FAM53A: variants seen among roughly 807,000 people sequenced by gnomAD.
FAM53A encodes the protein protein FAM53A.
FAM53A carries 28 observed loss-of-function variants against 26.6 expected under a neutral mutation model. That is an observed-to-expected ratio of 1.05 (90% confidence interval 0.78 to 1.45). The LOEUF is 1.45. Among genes scored for constraint, FAM53A ranks in the 40% most tolerant of loss-of-function variants. The pLI is 0.00. For synonymous variants in FAM53A, 290 were observed against 253.1 expected (o/e 1.15, Z -1.38); for missense variants, 650 against 575.8 (o/e 1.13, Z -1.32).
At chr4:1,646,744 C>T (rs76851841) in intron 4 of FAM53A, among the ~76,000 whole-genome samples, 2 of 152,202 alleles carry the variant, frequency 1.3e-5, no homozygotes, top group Non-Finnish European at 2.9e-5. Context: ...GATGTAACTG[C>T]TGGCCCCAAA....
Position 1,641,336 on chromosome 4 carries a change from CG to C in FAM53A, c.1153del (p.Arg385GlyfsTer39). On this transcript the variant is annotated frameshift_variant, in exon 5 of 5. Coordinates refer to ENST00000308132, the MANE Select transcript of FAM53A (RefSeq NM_001174070.3). LOFTEE classifies it high-confidence loss of function. Reference protein sequence around the residue: ...DSVGEEGVFPRARWELDLEQI... With the variant: ...DSVGEEGVFPXARWELDLEQI... ...CTCCAGGTCCAGCTCCCAGCGGGCCCGGGGGAAGACGCCCTCCTCCCCGACA... is the reference window on the plus strand; with the variant it reads ...CTCCAGGTCCAGCTCCCAGCGGGCCCGGGGAAGACGCCCTCCTCCCCGACA... The C allele has an allele frequency of 6.2e-7, 1 of 1,611,632 alleles. No individual in the cohort carries two copies. Among genetic ancestry groups the C allele is most frequent in the Middle Eastern group, 1.7e-4 (1 of 6,046 alleles).
downstream of FAM53A, among the ~76,000 whole-genome samples, chr4:1,637,904 C>A (rs1340779603): frequency 1.3e-5 from 2 of 151,772 alleles, no homozygotes; most frequent in African/African-American, 4.8e-5. Flanking sequence ...GTGCCTCAGG[C>A]CCCCCATTCC....
intron 1 of FAM53A, among the ~76,000 whole-genome samples, chr4:1,628,893 A>C (rs1161347713): frequency 1.3e-5 from 2 of 151,430 alleles, no homozygotes; most frequent in Admixed American, 6.6e-5. Flanking sequence ...CGCCCACTGC[A>C]GGGTCCCCTA....
intron 1 of FAM53A, among the ~76,000 whole-genome samples, chr4:1,680,727 C>T (rs1014628328): frequency 6.6e-6 from 1 of 151,894 alleles, no homozygotes; most frequent in Non-Finnish European, 1.5e-5. Context: ...GAAACGGCTA[C>T]GTATTGTATA....
chr4:1,581,288 C>A, the FAM53A span, among the ~76,000 whole-genome samples: 9 of 152,142 alleles, frequency 5.9e-5, no homozygotes, highest in Non-Finnish European at 1.2e-4. Context: ...CTGCTCAGGG[C>A]CCCGCCTGCG....
the FAM53A span, among the ~76,000 whole-genome samples, chr4:1,605,215 C>G: frequency 6.6e-6 from 1 of 152,154 alleles, no homozygotes; most frequent in Non-Finnish European, 1.5e-5. The surrounding 1 kb of genome is among the most constrained non-coding windows in gnomAD (Gnocchi z 5.7). Flanking sequence ...GGGTTGTTTC[C>G]GCTCCACAAC....
At chr4:1,644,423 C>A (rs1041238360) in intron 4 of FAM53A, 1 of 1,494,530 alleles carries the variant, frequency 6.7e-7, no homozygotes. Flanking sequence ...CCCACAGACA[C>A]GGCAGCTGTA....
At chr4:1,645,014 G>A (rs1363103961) in intron 4 of FAM53A, 1 of 152,368 alleles carries the variant, frequency 6.6e-6, no homozygotes, top group East Asian at 1.9e-4. Flanking sequence ...CACCATGTGG[G>A]AGGGGCTCAC....
At chr4:1,644,390 C>A in intron 4 of FAM53A, 1 of 1,527,728 alleles carries the variant, frequency 6.5e-7, no homozygotes, top group South Asian at 1.2e-5. Context: ...ACGACACAGT[C>A]GGTGCAGGAG....
the FAM53A span, among the ~76,000 whole-genome samples, chr4:1,600,550 C>G: frequency 1.3e-5 from 2 of 152,334 alleles, no homozygotes; most frequent in Non-Finnish European, 2.9e-5. Flanking sequence ...CCTGCAGGCC[C>G]CACACGGCCA....
At chr4:1,614,370 G>A (rs1054235080), downstream of FAM53A, among the ~76,000 whole-genome samples, 1 of 141,700 alleles carries the variant, frequency 7.1e-6, no homozygotes, top group Non-Finnish European at 1.5e-5. Flanking sequence ...ATGCAGAGAC[G>A]TGAGGGGGAT....
chr4:1,678,725 G>A (rs139146274), intron 1 of FAM53A, among the ~76,000 whole-genome samples: 1 of 151,978 alleles, frequency 6.6e-6, no homozygotes, highest in East Asian at 1.9e-4. Flanking sequence ...GGGAGGCTGA[G>A]GCAGGAGAAT....
At chr4:1,599,667 G>A in the FAM53A span, among the ~76,000 whole-genome samples, 1 of 140,912 alleles carries the variant, frequency 7.1e-6, no homozygotes, top group African/African-American at 2.6e-5. This position sits in a 1 kb window ranked among gnomAD's most constrained non-coding sequence, Gnocchi z 6.1. Flanking sequence ...AGCCCACCCC[G>A]CTTGGCCCTC....
At chr4:1,654,866 G>C in intron 4 of FAM53A, 112 bp downstream of exon 4, 2 of 1,396,562 alleles carry the variant, frequency 1.4e-6, no homozygotes, top group South Asian at 3.3e-5. Context: ...CCAGCCCAGA[G>C]AAGACCAGCC....
At chr4:1,583,526 A>G in the FAM53A span, among the ~76,000 whole-genome samples, 1 of 152,192 alleles carries the variant, frequency 6.6e-6, no homozygotes, top group Non-Finnish European at 1.5e-5. Context: ...ACTTTGCATG[A>G]TCACCTCATG....
chr4:1,606,552 C>G, the FAM53A span, among the ~76,000 whole-genome samples: 4 of 152,330 alleles, frequency 2.6e-5, no homozygotes, highest in East Asian at 7.7e-4. Context: ...TGTGTCCTGC[C>G]TACCGCGTGA....
the FAM53A span, among the ~76,000 whole-genome samples, chr4:1,612,868 GACAC>G: frequency 6.6e-6 from 1 of 152,128 alleles, no homozygotes; most frequent in Non-Finnish European, 1.5e-5. Flanking sequence ...AACGCATACT[GACAC>G]ACAGGCACAT....
At chr4:1,682,264 C>CTTTT (rs3993306) in intron 1 of FAM53A, among the ~76,000 whole-genome samples, 3 of 130,288 alleles carry the variant, frequency 2.3e-5, no homozygotes, top group Non-Finnish European at 3.2e-5. Context: ...TTTTAATTTC[C>CTTTT]TTTTTTTTTT....
Position 1,652,833 on chromosome 4 carries a change from C to T in FAM53A, c.882+2145G>A, listed in dbSNP as rs1414831249. 2.0e-5 allele frequency among the ~76,000 whole-genome samples: 3 copies of T among 148,528 alleles called. No homozygotes were observed. The East Asian group carries it at 6.1e-4, about 30-fold the overall frequency. ...CACACACCACATACTACCCACCACACACCACACGCTACACACCACACAGCA... is the reference window on the plus strand; with the variant it reads ...CACACACCACATACTACCCACCACATACCACACGCTACACACCACACAGCA... On this transcript the variant is annotated intron_variant, in intron 4 of 4. Coordinates refer to ENST00000308132, the MANE Select transcript of FAM53A (RefSeq NM_001174070.3).
Sources: gnomAD v4.1 joint callset for allele counts (sites outside exome capture counted in the v4.1 genomes callset) on GRCh38, gnomAD v4.1.1 for gene constraint, Gnocchi (gnomAD v3.1) non-coding constraint, MANE v1.5 for transcripts, NCBI Gene and HGNC (gene_info 2026-07-23, HGNC 2026-07-21) for gene names.